The following PIK3R1 variants were observed in gnomAD, a reference collection of about 807,000 sequenced individuals.
The protein encoded by PIK3R1 is phosphoinositide-3-kinase regulatory subunit 1.
PIK3R1 carries 29 observed loss-of-function variants against 98.0 expected under a neutral mutation model. That is an observed-to-expected ratio of 0.30 (90% CI 0.22 to 0.40). The LOEUF (loss-of-function observed/expected upper bound fraction) is 0.40. Among genes scored for constraint, PIK3R1 ranks in the 10% least tolerant of loss-of-function variants. The pLI is 1.00. For synonymous variants in PIK3R1, 282 were observed against 311.8 expected, an observed-to-expected ratio of 0.90 and a Z score of 1.01; for missense variants, 596 against 872.7, an observed-to-expected ratio of 0.68 and a Z score of 3.99.
intron 7 of PIK3R1, among the ~76,000 whole-genome samples, chr5:68,286,513 CT>C (rs1172758634): frequency 6.6e-6 from 1 of 152,102 alleles, no homozygotes; most frequent in Non-Finnish European, 1.5e-5. Flanking sequence ...AGAGGGCTCC[CT>C]TTTTTAAGCT....
chr5:68,297,529 C>T lies in PIK3R1; in HGVS notation c.2103C>T (p.Thr701=), dbSNP rs1747793274. The T allele has an allele frequency of 6.2e-7, 1 of 1,614,166 alleles. No individual in the cohort carries two copies. The highest frequency in any genetic ancestry group is 2.2e-5 in the East Asian group (1 of 44,870). Reference sequence around the variant, plus strand: ...AACTGGTGCTACATTACCAACACACCTCCCTTGTGCAGCACAACGACTCCC... The same window carrying T: ...AACTGGTGCTACATTACCAACACACTTCCCTTGTGCAGCACAACGACTCCC... ...LKELVLHYQH[T]SLVQHNDSLN... is the part of the protein sequence containing the mutation. The change falls in exon 16 of 16, where the codon ACC becomes ACT. Residue 701 remains threonine, a synonymous_variant. Transcript: ENST00000521381.
At chr5:68,282,429 A>ATCTTT (rs1284852529) in intron 7 of PIK3R1, among the ~76,000 whole-genome samples, 1 of 152,146 alleles carries the variant, frequency 6.6e-6, no homozygotes, top group African/African-American at 2.4e-5. Flanking sequence ...GGTAGTCCTG[A>ATCTTT]TCTTTTCAGT....
intron 14 of PIK3R1, 71 bp downstream of exon 14, chr5:68,295,559 T>G: frequency 8.5e-6 from 11 of 1,299,626 alleles, no homozygotes; most frequent in East Asian, 4.7e-5. Flanking sequence ...ACTTGCTTTG[T>G]TTTTAGAACA....
chr5:68,240,160 T>G (rs2112018957), intron 2 of PIK3R1, among the ~76,000 whole-genome samples: 1 of 151,372 alleles, frequency 6.6e-6, no homozygotes, highest in Middle Eastern at 3.5e-3. Flanking sequence ...TATTCGTATA[T>G]GATATGTAGT....
At chr5:68,281,638 T>C (rs1354600060) in intron 7 of PIK3R1, among the ~76,000 whole-genome samples, 1 of 152,224 alleles carries the variant, frequency 6.6e-6, no homozygotes, top group South Asian at 2.1e-4. Context: ...CATTTTGCTA[T>C]ATACCAGTTA....
chr5:68,229,754 C>T (rs996576148), intron 2 of PIK3R1, among the ~76,000 whole-genome samples: 1 of 152,202 alleles, frequency 6.6e-6, no homozygotes, highest in African/African-American at 2.4e-5. Flanking sequence ...TAGTGTCTTA[C>T]TTTTCCACTT....
chr5:68,249,513 T>C (rs1229727352), intron 2 of PIK3R1, among the ~76,000 whole-genome samples: 1 of 152,222 alleles, frequency 6.6e-6, no homozygotes, highest in African/African-American at 2.4e-5. Flanking sequence ...TAAACACACA[T>C]TGAAGTATTT....
intron 7 of PIK3R1, among the ~76,000 whole-genome samples, chr5:68,285,115 C>A (rs1391670255): frequency 6.6e-6 from 1 of 152,086 alleles, no homozygotes; most frequent in Non-Finnish European, 1.5e-5. Context: ...TGAATGAAAC[C>A]CATTATAAGT....
Position 68,298,766 on chromosome 5 carries a change from T to A in PIK3R1, c.*1165T>A, listed in dbSNP as rs1414910427. The A allele has an allele frequency of 4.3e-6, 1 of 233,368 alleles. No individual in the cohort carries two copies. Among genetic ancestry groups the A allele is most frequent in the Non-Finnish European group, 8.5e-6 (1 of 117,950 alleles). The allele number at this position is 233,368 out of a possible 1,614,324, so 14.5% of individuals were successfully genotyped here. ...AAGAAATGAAAAAGATATATGAATA[T>A]GACAAAGTATTGCTGAGTCCAACAA... On this transcript the variant is annotated 3_prime_UTR_variant, in exon 16 of 16. Transcript: ENST00000521381.
At position 68,296,271 on chromosome 5, in the gene PIK3R1, C is replaced by A; in HGVS notation, c.1915C>A (p.Arg639=). ...SNRNKAENLL[R]GKRDGTFLVR... ...CCGAAACAAAGCTGAAAACCTGTTG[C>A]GAGGGAAGCGAGATGGCACTTTTCT... Residue 639 remains arginine, a synonymous_variant, in exon 15 of 16, where the codon CGA becomes AGA. Coordinates refer to ENST00000521381, the MANE Select transcript of PIK3R1 (RefSeq NM_181523.3). 1 of 1,614,114 alleles carries A rather than the reference C, an allele frequency of 6.2e-7. No homozygotes were observed. Among genetic ancestry groups the A allele is most frequent in the East Asian group, 2.2e-5 (1 of 44,888 alleles).
chr5:68,232,458 G>A (rs138111407), intron 2 of PIK3R1, among the ~76,000 whole-genome samples: 2,444 of 152,248 alleles, frequency 0.016, 37 homozygotes, highest in South Asian at 0.028. Flanking sequence ...TCACAGGCAC[G>A]CTCTGAGGGG....
intron 2 of PIK3R1, among the ~76,000 whole-genome samples, chr5:68,258,909 T>G (rs1235505602): frequency 6.6e-6 from 1 of 152,190 alleles, no homozygotes; most frequent in African/African-American, 2.4e-5. Flanking sequence ...AGTTAAGCTG[T>G]TTTTATCTAA....
intron 1 of PIK3R1, among the ~76,000 whole-genome samples, chr5:68,225,539 T>A (rs755813138): frequency 4.0e-4 from 61 of 152,218 alleles, no homozygotes; most frequent in Admixed American, 1.9e-3. Context: ...CCACATGTTC[T>A]TTCTCTGCAG....
intron 2 of PIK3R1, among the ~76,000 whole-genome samples, chr5:68,240,608 A>G (rs1744836871): frequency 6.6e-6 from 1 of 152,240 alleles, no homozygotes; most frequent in African/African-American, 2.4e-5. Context: ...CTGAGTCTGC[A>G]GCAGACTCTG....
intron 2 of PIK3R1, among the ~76,000 whole-genome samples, chr5:68,261,665 C>T (rs1237536134): frequency 6.6e-6 from 1 of 152,092 alleles, no homozygotes; most frequent in Non-Finnish European, 1.5e-5. Context: ...CCTGAAACAG[C>T]CTTTTAGGTA....
At chr5:68,280,271 G>A (rs1418446285) in intron 5 of PIK3R1, 3 of 516,610 alleles carry the variant, frequency 5.8e-6, no homozygotes, top group African/African-American at 3.8e-5. Flanking sequence ...TGGGTAAGTT[G>A]CTGCCAGCAC....
At chr5:68,228,907 T>C (rs1182554782) in intron 2 of PIK3R1, among the ~76,000 whole-genome samples, 1 of 152,248 alleles carries the variant, frequency 6.6e-6, no homozygotes, top group Admixed American at 6.5e-5. Context: ...TTTCTCTTTT[T>C]ATATCCTAAA....
chr5:68,281,020 A>C lies in PIK3R1; in HGVS notation c.916+14A>C. On this transcript the variant is annotated intron_variant, in intron 7 of 15. Transcript: ENST00000521381. ...AGCCTGCACCAGGTAATGCTTTTTGAGCATTTAACATTCTCTCATTGTTCA... is the reference window on the plus strand; with the variant it reads ...AGCCTGCACCAGGTAATGCTTTTTGCGCATTTAACATTCTCTCATTGTTCA... The C allele has an allele frequency of 6.5e-7, 1 of 1,546,744 alleles. No individual in the cohort carries two copies. The highest frequency in any genetic ancestry group is 8.8e-7 in the Non-Finnish European group (1 of 1,133,830).
intron 7 of PIK3R1, among the ~76,000 whole-genome samples, chr5:68,289,759 C>CAAAAAAAAAAA (rs71305021): frequency 1.9e-5 from 1 of 51,882 alleles, no homozygotes; most frequent in Non-Finnish European, 3.8e-5. Context: ...GGGGGAAAAG[C>CAAAAAAAAAAA]AAAAAAAAAA....
Sources: gnomAD v4.1 joint callset for allele counts (sites outside exome capture counted in the v4.1 genomes callset) on GRCh38, gnomAD v4.1.1 for gene constraint, MANE v1.5 for transcripts, NCBI Gene and HGNC (gene_info 2026-07-23, HGNC 2026-07-21) for gene names.